Variants in DUS3L observed in about 807,000 individuals in gnomAD.
The protein encoded by DUS3L is dihydrouridine synthase 3 like.
In DUS3L, 62 loss-of-function variants were observed where a neutral mutation model predicts 74.6. That is an observed-to-expected ratio of 0.83 (90% CI 0.68 to 1.03). The LOEUF (loss-of-function observed/expected upper bound fraction) is 1.03. Ranked by LOEUF, DUS3L falls within the 50% of genes least tolerant of loss-of-function variation. The pLI, the probability that DUS3L is intolerant of heterozygous loss-of-function variation, is 0.00. For synonymous variants in DUS3L, 433 were observed against 395.7 expected, an observed-to-expected ratio of 1.09 and a Z score of -1.12; for missense variants, 884 against 924.4, an observed-to-expected ratio of 0.96 and a Z score of 0.57.
In DUS3L at chr19:5,789,392, G is replaced by A; in HGVS notation, c.715C>T (p.Pro239Ser). 6.3e-7 allele frequency: 1 copy of A among 1,592,504 alleles called. No individual in the cohort carries two copies. Among genetic ancestry groups the A allele is most frequent in the Non-Finnish European group, 8.5e-7 (1 of 1,172,428 alleles). Residue 239 changes from proline to serine, a missense_variant, in exon 3 of 13, where the codon CCC (proline) becomes TCC (serine). Transcript: ENST00000309061. The part of the protein sequence containing the change: ...EQALRRFSQG[P>S]TPAAAVPEGT... ...TCGGGGACAGCGGCAGCGGGTGTGG[G>A]GCCCTGGCTGAACCGGCGCAGGGCC...
intron 5 of DUS3L, 135 bp from the exon 6 acceptor site, chr19:5,787,840 C>T: frequency 1.4e-6 from 2 of 1,434,952 alleles, no homozygotes; most frequent in African/African-American, 2.8e-5. Context: ...GAGCCAAGGT[C>T]TGTCTGCGAG....
chr19:5,787,461 C>A, intron 6 of DUS3L, 100 bp from the exon 7 acceptor site: 1 of 1,509,816 alleles, frequency 6.6e-7, no homozygotes, highest in Non-Finnish European at 9.1e-7. Context: ...CGCCGACCTG[C>A]AGGAAAGGCA....
intron 3 of DUS3L, 39 bp downstream of exon 3, chr19:5,789,167 GA>G: frequency 6.6e-7 from 1 of 1,505,084 alleles, no homozygotes. Context: ...ACGCACACCA[GA>G]TGGACAGATC....
In DUS3L at chr19:5,789,245, C is replaced by T; in HGVS notation, c.862G>A (p.Glu288Lys). The T allele has an allele frequency of 6.4e-7, 1 of 1,566,588 alleles. No homozygotes were observed. Among genetic ancestry groups the T allele is most frequent in the Middle Eastern group, 1.7e-4 (1 of 5,838 alleles). The change falls in exon 3 of 13, where the codon GAG (glutamate) becomes AAG (lysine). Residue 288 changes from glutamate (E) to lysine (K), a missense_variant. Transcript: ENST00000309061. Reference sequence around the variant, plus strand: ...CAGGGCCGCAGCCTGACCACGTCCTCATCCGTCAGGGGCCCGCAGGTCCGC... The same window carrying T: ...CAGGGCCGCAGCCTGACCACGTCCTTATCCGTCAGGGGCCCGCAGGTCCGC... ...PVRTCGPLTD[E>K]DVVRLRPCEK... is the part of the protein sequence containing the mutation.
At chr19:5,787,958 A>G (rs2056870376) in intron 5 of DUS3L, 66 bp downstream of exon 5, 3 of 1,589,588 alleles carry the variant, frequency 1.9e-6, no homozygotes, top group South Asian at 1.1e-5. Context: ...GCAGACCTGG[A>G]ACCTGGCTCT....
Position 5,786,477 on chromosome 19 carries a change from T to C in DUS3L, c.1552A>G (p.Met518Val), listed in dbSNP as rs1453735411. ...RAMQTGVTGI[M>V]IARGALLKPW... The stretch of plus-strand genomic sequence containing the variant: ...TCCCTGGGCACTTACCGGGCAATCA[T>C]GATCCCGGTGACACCAGTCTGCATG... Residue 518 changes from methionine to valine, a missense_variant, in exon 10 of 13, where the codon ATG (methionine) becomes GTG (valine). Met to Val is a conservative substitution (Grantham distance 21). Coordinates refer to ENST00000309061, the MANE Select transcript of DUS3L (RefSeq NM_020175.3). 3.1e-6 allele frequency: 5 copies of C among 1,612,784 alleles called. No individual in the cohort carries two copies. The highest frequency in any genetic ancestry group is 4.2e-6 in the Non-Finnish European group (5 of 1,179,880).
intron 9 of DUS3L, 21 bp from the exon 10 acceptor site, chr19:5,786,563 G>A (rs746891090): frequency 1.9e-6 from 3 of 1,611,476 alleles, no homozygotes; most frequent in Non-Finnish European, 2.5e-6. Context: ...AGAGGCTGGG[G>A]TCTCAGGGAG....
At position 5,789,233 on chromosome 19, in the gene DUS3L, T is replaced by C. The variant is rs1224644250; in HGVS notation, c.874A>G (p.Arg292Gly). The change falls in exon 3 of 13, where the codon AGG becomes GGG. Residue 292 changes from arginine (R) to glycine (G), a missense_variant. Coordinates refer to ENST00000309061, the MANE Select transcript of DUS3L (RefSeq NM_020175.3). The stretch of plus-strand genomic sequence containing the variant: ...CGCTTCTTCTCACAGGGCCGCAGCC[T>C]GACCACGTCCTCATCCGTCAGGGGC... The part of the protein sequence containing the change: ...CGPLTDEDVV[R>G]LRPCEKKRLD... The C allele has an allele frequency of 6.4e-7, 1 of 1,556,992 alleles. No homozygotes were observed. Among genetic ancestry groups the C allele is most frequent in the Non-Finnish European group, 8.7e-7 (1 of 1,155,156 alleles).
intron 1 of DUS3L, chr19:5,790,755 C>T (rs561649645): frequency 1.8e-6 from 1 of 570,012 alleles, no homozygotes; most frequent in East Asian, 3.0e-5. Context: ...GCACATGCGC[C>T]GTACGTCCAT....
chr19:5,790,021 A>G (rs2056893954), intron 2 of DUS3L, 26 bp downstream of exon 2: 1 of 1,607,536 alleles, frequency 6.2e-7, no homozygotes, highest in Non-Finnish European at 8.5e-7. Flanking sequence ...CTGCCCCGGC[A>G]GGAATGCTCA....
At position 5,785,594 on chromosome 19, in the gene DUS3L, G is replaced by A. The variant is rs553506791; in HGVS notation, c.1751+9C>T. ...CGCGCCGCCCACCCCAGCCAGCCCC[G>A]GTGCCCACCGGCACAGGAAGGACAG... is the stretch of plus-strand genomic sequence containing the variant. On this transcript the variant is annotated intron_variant, in intron 11 of 12. Coordinates refer to ENST00000309061, the MANE Select transcript of DUS3L (RefSeq NM_020175.3). 8.8e-6 allele frequency: 14 copies of A among 1,596,694 alleles called. No individual in the cohort carries two copies. The highest frequency in any genetic ancestry group is 2.2e-5 in the East Asian group (1 of 44,624).
In DUS3L at chr19:5,787,041, C is replaced by G; in HGVS notation, c.1389+20G>C. On this transcript the variant is annotated intron_variant, in intron 8 of 12. Coordinates refer to ENST00000309061, the MANE Select transcript of DUS3L (RefSeq NM_020175.3). The stretch of plus-strand genomic sequence containing the variant: ...GGGTCGACCGCGAGGCCCCAATGCC[C>G]GAGGCGTCCCAAGACCCACCGTGAC... 2.0e-6 allele frequency: 3 copies of G among 1,523,454 alleles called. No individual in the cohort carries two copies. The highest frequency in any genetic ancestry group is 2.6e-6 in the Non-Finnish European group (3 of 1,139,666). The allele number at this position is 1,523,454 out of a possible 1,614,324, so 94.4% of individuals were successfully genotyped here.
At chr19:5,786,876 G>A (rs764061511) in intron 8 of DUS3L, 31 bp from the exon 9 acceptor site, 4 of 1,584,330 alleles carry the variant, frequency 2.5e-6, no homozygotes, top group Non-Finnish European at 3.4e-6. Context: ...CAGGGTAGGA[G>A]GCAGAGAGTG....
chr19:5,787,877 G>A, intron 5 of DUS3L, 147 bp downstream of exon 5: 1 of 1,438,974 alleles, frequency 6.9e-7, no homozygotes, highest in South Asian at 1.3e-5. Flanking sequence ...ACGGCCATCA[G>A]CCCCCAGAGG....
chr19:5,785,146 A>G lies in DUS3L; in HGVS notation c.*57T>C, dbSNP rs144984229. The G allele has an allele frequency of 3.8e-4, 587 of 1,540,586 alleles. 3 individuals carry two copies. The African/African-American group carries it at 7.2e-3, about 19-fold the overall frequency. ...GGTCACAGAAAGGCCTGGATTTTAAAAGAATAAAATTTATTGTACTCTCCT... is the reference window on the plus strand; with the variant it reads ...GGTCACAGAAAGGCCTGGATTTTAAGAGAATAAAATTTATTGTACTCTCCT... On this transcript the variant is annotated 3_prime_UTR_variant, in exon 13 of 13. Transcript: ENST00000309061.
At position 5,789,599 on chromosome 19, in the gene DUS3L, G is replaced by C. The variant is rs550931130; in HGVS notation, c.508C>G (p.Arg170Gly). Residue 170 changes from arginine to glycine, a missense_variant, in exon 3 of 13, where the codon CGG (arginine) becomes GGG (glycine). Arg to Gly is a moderately radical substitution (Grantham distance 125). Transcript: ENST00000309061. ...PRCVLFETFG[R>G]CPYGVTCRFA... ...CGGCAGGTCACGCCGTAGGGGCACCGGCCGAAGGTCTCGAAGAGCACGCAG... is the reference window on the plus strand; with the variant it reads ...CGGCAGGTCACGCCGTAGGGGCACCCGCCGAAGGTCTCGAAGAGCACGCAG... The C allele has an allele frequency of 6.3e-7, 1 of 1,588,588 alleles. No individual in the cohort carries two copies. The highest frequency in any genetic ancestry group is 1.3e-5 in the African/African-American group (1 of 74,766).
chr19:5,788,268 A>G, intron 4 of DUS3L, 89 bp downstream of exon 4: 1 of 1,607,142 alleles, frequency 6.2e-7, no homozygotes, highest in Non-Finnish European at 8.5e-7. Flanking sequence ...CAGCCCCACA[A>G]TCCAGTAGGT....
chr19:5,787,203 T>C (rs28420751), intron 7 of DUS3L, 32 bp from the exon 8 acceptor site: 2,800 of 27,354 alleles, frequency 0.1, 10 homozygotes, highest in African/African-American at 0.19. Flanking sequence ...TGGTGGGAGA[T>C]GGTGGGAGGT....
In DUS3L at chr19:5,787,672, A is replaced by G. The variant is rs755929736; in HGVS notation, c.1129T>C (p.Cys377Arg). The G allele has an allele frequency of 6.8e-6, 11 of 1,613,760 alleles. No homozygotes were observed. In the East Asian group the frequency reaches 1.6e-4, roughly 23 times the overall value. Residue 377 changes from cysteine (C) to arginine (R), a missense_variant, in exon 6 of 13, where the codon TGT becomes CGT. By Grantham distance (180) the Cys-to-Arg change is radical. Transcript: ENST00000309061. The stretch of plus-strand genomic sequence containing the variant: ...ACGGTGCGGCTCAGCAGCTCGGCAC[A>G]CTTGGTCATGGTGTCGGGGAAGGCG... ...EGAFPDTMTK[C>R]AELLSRTVEV...
Sources: allele counts gnomAD v4.1 joint callset, GRCh38; gene constraint gnomAD v4.1.1; transcripts MANE v1.5; gene names NCBI Gene and HGNC (gene_info 2026-07-23, HGNC 2026-07-21).